Variants in GRIK2 observed in about 807,000 individuals in gnomAD.
GRIK2 encodes the protein glutamate ionotropic receptor kainate type subunit 2, also known as glutamate receptor ionotropic, kainate 2.
A neutral mutation model predicts 100.3 loss-of-function variants in GRIK2; 32 were observed. The observed-to-expected ratio is 0.32, with a 90% CI of 0.24 to 0.43. GRIK2 has a LOEUF of 0.43. GRIK2 is among the 20% of genes least tolerant of loss of function. The pLI, the probability that GRIK2 is intolerant of heterozygous loss-of-function variation, is 1.00. For synonymous variants in GRIK2, 417 were observed against 389.4 expected, an observed-to-expected ratio of 1.07 and a Z score of -0.83; for missense variants, 843 against 1,114.9, an observed-to-expected ratio of 0.76 and a Z score of 3.47.
chr6:101,628,611 A>G (rs559058984), intron 4 of GRIK2, among the ~76,000 whole-genome samples: 66 of 152,220 alleles, frequency 4.3e-4, no homozygotes, highest in Non-Finnish European at 8.1e-4. Flanking sequence ...CCTCAGTTGC[A>G]AATTGGTCCA....
chr6:101,410,336 A>G (rs1225443152), intron 2 of GRIK2, among the ~76,000 whole-genome samples: 1 of 152,126 alleles, frequency 6.6e-6, no homozygotes, highest in Non-Finnish European at 1.5e-5. Flanking sequence ...GATTCAGGAA[A>G]GTTTCATAAA....
chr6:101,991,484 G>A (rs1421300246), intron 14 of GRIK2, among the ~76,000 whole-genome samples: 1 of 150,280 alleles, frequency 6.7e-6, no homozygotes, highest in Non-Finnish European at 1.5e-5. Context: ...AGTGTTTGTT[G>A]TATAGCTTTT....
intron 2 of GRIK2, among the ~76,000 whole-genome samples, chr6:101,401,128 C>T (rs1019321167): frequency 5.9e-5 from 9 of 152,144 alleles, no homozygotes; most frequent in Non-Finnish European, 1.2e-4. Context: ...CTGAAGAATT[C>T]TGAAGTGTGT....
intron 2 of GRIK2, among the ~76,000 whole-genome samples, chr6:101,410,013 A>G (rs1775809914): frequency 6.6e-6 from 1 of 152,080 alleles, no homozygotes; most frequent in Admixed American, 6.6e-5. Flanking sequence ...TGATTTAGTT[A>G]CTTGATAGAA....
At chr6:101,879,203 A>G (rs1786074615) in intron 11 of GRIK2, among the ~76,000 whole-genome samples, 1 of 152,084 alleles carries the variant, frequency 6.6e-6, no homozygotes, top group South Asian at 2.1e-4. Flanking sequence ...AGGTAAGAAA[A>G]GAGTACAATA....
chr6:101,442,482 C>T lies in GRIK2; in HGVS notation c.115+43090C>T, dbSNP rs560373220. Among the ~76,000 whole-genome samples the T allele has an allele frequency of 3.1e-3, 467 of 152,248 alleles. 1 individual carries two copies. The highest frequency in any genetic ancestry group is 5.1e-3 in the Non-Finnish European group (349 of 68,012). ...CTCTGGGGAGCCCTTTTTTACTTGG[C>T]TGTCTCCGAACCTTAATACTTGCCT... On this transcript the variant is annotated intron_variant, in intron 2 of 16. Coordinates refer to ENST00000369134, the MANE Select transcript of GRIK2 (RefSeq NM_021956.5).
intron 2 of GRIK2, among the ~76,000 whole-genome samples, chr6:101,566,772 CAT>C (rs1777296082): frequency 6.7e-6 from 1 of 149,452 alleles, no homozygotes; most frequent in African/African-American, 2.4e-5. Flanking sequence ...ATATAATAGA[CAT>C]ATGTATGCCT....
intron 14 of GRIK2, among the ~76,000 whole-genome samples, chr6:101,964,306 T>C (rs1302487799): frequency 6.6e-6 from 1 of 151,980 alleles, no homozygotes; most frequent in Non-Finnish European, 1.5e-5. Flanking sequence ...TATATTATTA[T>C]ATTATTGTTA....
intron 14 of GRIK2, among the ~76,000 whole-genome samples, chr6:101,971,274 C>G (rs944246756): frequency 4.6e-5 from 7 of 151,922 alleles, no homozygotes; most frequent in African/African-American, 1.7e-4. Flanking sequence ...CTAATTATAA[C>G]AAAAATGTAT....
rs141189363 is a variant in GRIK2 at position 101,889,743 on chromosome 6, G to T, written c.1628G>T (p.Arg543Leu). The T allele has an allele frequency of 5.0e-6, 8 of 1,610,116 alleles. No homozygotes were observed. The highest frequency in any genetic ancestry group is 6.8e-6 in the Non-Finnish European group (8 of 1,177,092). The change falls in exon 12 of 17, where the codon CGC (arginine) becomes CTC (leucine). Residue 543 changes from arginine to leucine, a missense_variant. Coordinates refer to ENST00000369134, the MANE Select transcript of GRIK2 (RefSeq NM_021956.5). Reference sequence around the variant, plus strand: ...ACACTTGGAATAAGTATTTTGTACCGCAAGCCCAATGGTACAAACCCAGGC... The same window carrying T: ...ACACTTGGAATAAGTATTTTGTACCTCAAGCCCAATGGTACAAACCCAGGC... Reference protein sequence around the residue: ...FMTLGISILYRKPNGTNPGVF... With the variant: ...FMTLGISILYLKPNGTNPGVF...
At chr6:101,792,744 A>G (rs1779971912) in intron 7 of GRIK2, among the ~76,000 whole-genome samples, 1 of 151,948 alleles carries the variant, frequency 6.6e-6, no homozygotes, top group African/African-American at 2.4e-5. Context: ...CCTGAATCTG[A>G]ATGTTGGCCT....
At chr6:101,403,923 C>T (rs1775468182) in intron 2 of GRIK2, among the ~76,000 whole-genome samples, 1 of 152,172 alleles carries the variant, frequency 6.6e-6, no homozygotes. Flanking sequence ...ATCAGTTTTT[C>T]TCATAAGTTC....
chr6:101,677,981 A>G (rs538714233), intron 5 of GRIK2, among the ~76,000 whole-genome samples: 112 of 152,264 alleles, frequency 7.4e-4, no homozygotes, highest in Non-Finnish European at 1.2e-3. Context: ...TTTTGGCAAC[A>G]AATAAAACAA....
chr6:101,716,777 AACAACC>A (rs1250858556), intron 7 of GRIK2, among the ~76,000 whole-genome samples: 1 of 151,774 alleles, frequency 6.6e-6, no homozygotes, highest in African/African-American at 2.4e-5. Flanking sequence ...CAAAACAAAT[AACAACC>A]ACAACCACAA....
intron 7 of GRIK2, among the ~76,000 whole-genome samples, chr6:101,796,937 C>T (rs903772299): frequency 1.3e-5 from 2 of 152,038 alleles, no homozygotes; most frequent in African/African-American, 4.8e-5. Flanking sequence ...ACTACTGTGT[C>T]CTGATCTTGA....
Position 101,859,364 on chromosome 6 carries a change from T to A in GRIK2, c.1395T>A (p.Asp465Glu). 6.2e-7 allele frequency: 1 copy of A among 1,603,310 alleles called. No individual in the cohort carries two copies. The highest frequency in any genetic ancestry group is 8.5e-7 in the Non-Finnish European group (1 of 1,170,326). ...ATCGATTTGAAGGCTATTGCATTGATCTCCTCAGAGAGTTATCTACAATCC... is the reference window on the plus strand; with the variant it reads ...ATCGATTTGAAGGCTATTGCATTGAACTCCTCAGAGAGTTATCTACAATCC... ...GNDRFEGYCI[D>E]LLRELSTILG... is the part of the protein sequence containing the mutation. Residue 465 changes from aspartate (D) to glutamate (E), a missense_variant, in exon 11 of 17, where the codon GAT becomes GAA. Asp to Glu is a conservative substitution (Grantham distance 45). This residue lies in a region of GRIK2 where 519 missense variants were observed against 643.8 expected (regional missense o/e 0.81). Transcript: ENST00000369134.
rs1026265204 is a variant in GRIK2, at chr6:101,734,468, C to G, written c.951+48115C>G. Among the ~76,000 whole-genome samples, 36 of 152,296 alleles carry G rather than the reference C, an allele frequency of 2.4e-4. 1 individual carries two copies. The highest frequency in any genetic ancestry group is 5.8e-4 in the East Asian group (3 of 5,176). ...CTTCAAATGATTGGATAAGGCCCAC[C>G]TATAATACATTAGGGAGGACAATTA... is the stretch of plus-strand genomic sequence containing the variant. On this transcript the variant is annotated intron_variant, in intron 7 of 16. Transcript: ENST00000369134.
intron 2 of GRIK2, among the ~76,000 whole-genome samples, chr6:101,617,246 A>C (rs1779932107): frequency 6.6e-6 from 1 of 151,766 alleles, no homozygotes; most frequent in African/African-American, 2.4e-5. Flanking sequence ...CACTCAGATT[A>C]AGAAACAGAT....
intron 7 of GRIK2, among the ~76,000 whole-genome samples, chr6:101,780,936 TC>T (rs1779047460): frequency 6.6e-6 from 1 of 152,206 alleles, no homozygotes; most frequent in Non-Finnish European, 1.5e-5. Flanking sequence ...TATAAGAATG[TC>T]CTTTGACACT....
Sources: gnomAD v4.1 joint callset for allele counts (sites outside exome capture counted in the v4.1 genomes callset) on GRCh38, gnomAD v4.1.1 for gene constraint, gnomAD v4.1.1 regional missense constraint, MANE v1.5 for transcripts, NCBI Gene and HGNC (gene_info 2026-07-23, HGNC 2026-07-21) for gene names.